The following FANCD2OS variants were observed in gnomAD, a reference collection of about 807,000 sequenced individuals.
FANCD2OS encodes the protein FANCD2 opposite strand protein.
A neutral mutation model predicts 13.2 loss-of-function variants in FANCD2OS; 11 were observed. The ratio of observed to expected loss-of-function variants is 0.83; its 90% CI spans 0.52 to 1.38. The LOEUF is 1.38. Among genes scored for constraint, FANCD2OS ranks in the 40% most tolerant of loss-of-function variants. The probability of loss-of-function intolerance (pLI) is 0.00; values close to 1 mark genes in which losing one functional copy is unlikely to be tolerated. For missense variants in FANCD2OS, 217 were observed against 213.9 expected (o/e 1.01, Z -0.09); for synonymous variants, 69 against 84.5 (o/e 0.82, Z 1.01).
downstream of FANCD2OS, among the ~76,000 whole-genome samples, chr3:10,102,577 C>CA (rs1695346228): frequency 6.6e-6 from 1 of 151,886 alleles, no homozygotes; most frequent in African/African-American, 2.4e-5. Flanking sequence ...GTAATCCCAG[C>CA]ACTTTGGGAG....
chr3:10,103,913 A>G (rs1042105409), downstream of FANCD2OS: 15 of 237,074 alleles, frequency 6.3e-5, no homozygotes, highest in Admixed American at 2.0e-4. Flanking sequence ...TTTCCCCCCA[A>G]TTCATTGTGG....
rs150629522 is a variant in FANCD2OS at position 10,106,677 on chromosome 3, G to A, written c.-9+1338C>T. On this transcript the variant is annotated intron_variant, in intron 1 of 1. Coordinates refer to ENST00000450660, the MANE Select transcript of FANCD2OS (RefSeq NM_001164839.2). ...ACCTGTAATCCCAGCACTTTGGGAG[G>A]CCGAGGTGGGTGGATCACTTGAGGT... Among the ~76,000 whole-genome samples the A allele has an allele frequency of 3.1e-3, 472 of 152,336 alleles. 6 individuals carry two copies. Among genetic ancestry groups the A allele is most frequent in the African/African-American group, 0.011 (453 of 41,576 alleles).
chr3:10,094,965 A>C, intron 2 of FANCD2OS: 1 of 544,680 alleles, frequency 1.8e-6, no homozygotes. Flanking sequence ...AACCTATGTA[A>C]AACTAAAATG....
intron 1 of FANCD2OS, among the ~76,000 whole-genome samples, chr3:10,107,780 A>G (rs1695542915): frequency 6.6e-6 from 1 of 151,930 alleles, no homozygotes; most frequent in African/African-American, 2.4e-5. Context: ...ATGGGACGAG[A>G]GCGCTTCTAA....
chr3:10,101,292 G>A, downstream of FANCD2OS: 7 of 1,479,980 alleles, frequency 4.7e-6, no homozygotes, highest in Non-Finnish European at 6.6e-6. Context: ...CTGCTTCTGT[G>A]TCTCTGCCAG....
chr3:10,094,162 TC>T, intron 2 of FANCD2OS: 1 of 731,512 alleles, frequency 1.4e-6, no homozygotes, highest in South Asian at 1.6e-5. Flanking sequence ...TTTGGACCCT[TC>T]CCAATTTGTT....
downstream of FANCD2OS, among the ~76,000 whole-genome samples, chr3:10,102,504 A>AT (rs1487622154): frequency 2.0e-5 from 3 of 151,888 alleles, no homozygotes; most frequent in African/African-American, 7.3e-5. Context: ...TGCTTTTAAA[A>AT]TTTTTTTGAT....
intron 2 of FANCD2OS, among the ~76,000 whole-genome samples, chr3:10,087,644 C>T (rs926448691): frequency 4.6e-5 from 7 of 151,866 alleles, no homozygotes; most frequent in African/African-American, 1.5e-4. Context: ...TGGCCTCTTC[C>T]CTGGCCTTTT....
In FANCD2OS at chr3:10,085,745, A is replaced by T. The variant is rs1347595357; in HGVS notation, c.*44-4214T>A. 1.3e-5 allele frequency: 13 copies of T among 1,009,976 alleles called. No individual in the cohort carries two copies. In the Admixed American group the frequency reaches 2.2e-4, roughly 17 times the overall value. 62.6% of individuals were successfully genotyped at this position (1,009,976 alleles called of 1,614,324 possible). ...TTGATGGTACAGACTGGAGGCCAGG[A>T]TCCTTAAATACTATCCAAGTAGTTT... On this transcript the variant is annotated intron_variant, in intron 2 of 2. Coordinates refer to the FANCD2OS transcript ENST00000524279.
At chr3:10,101,317 G>A (rs1313033753), downstream of FANCD2OS, 6 of 1,283,538 alleles carry the variant, frequency 4.7e-6, no homozygotes, top group East Asian at 5.0e-5. Flanking sequence ...TGATCATTTT[G>A]TGTTAGAGTT....
Position 10,104,760 on chromosome 3 carries a change from C to T in FANCD2OS, c.15G>A (p.Gln5=), listed in dbSNP as rs368053372. 3 of 1,584,776 alleles carry T rather than the reference C, an allele frequency of 1.9e-6. No homozygotes were observed. The African/African-American group carries it at 4.0e-5, about 21-fold the overall frequency. The change falls in exon 2 of 2, where the codon CAG becomes CAA. Residue 5 remains glutamine, a synonymous_variant. Coordinates refer to ENST00000450660, the MANE Select transcript of FANCD2OS (RefSeq NM_001164839.2). The part of the protein sequence containing the change: MAGY[Q]LWSPWTPLDE... ...CCAGTGGGGTCCATGGTGACCAGAG[C>T]TGGTATCCTGCCATTGACAGTCCTA...
At chr3:10,100,682 A>C (rs1695249015), downstream of FANCD2OS, among the ~76,000 whole-genome samples, 1 of 152,088 alleles carries the variant, frequency 6.6e-6, no homozygotes, top group East Asian at 1.9e-4. Context: ...CCATACCACC[A>C]CTTGTAATAA....
In FANCD2OS at chr3:10,092,268, G is replaced by A. The variant is rs767163581; in HGVS notation, c.*44-10737C>T. ...CTTGATAAAGGTGAGTATGGAGACT[G>A]CTTGACACATCTCACCAAATAACTG... On this transcript the variant is annotated intron_variant, in intron 2 of 2. Coordinates refer to the FANCD2OS transcript ENST00000524279. 2 of 1,581,062 alleles carry A rather than the reference G, an allele frequency of 1.3e-6. No homozygotes were observed. Among genetic ancestry groups the A allele is most frequent in the South Asian group, 1.1e-5 (1 of 90,372 alleles).
downstream of FANCD2OS, chr3:10,098,975 T>G (rs751581738): frequency 6.2e-7 from 1 of 1,614,166 alleles, no homozygotes; most frequent in Non-Finnish European, 8.5e-7. Context: ...ATATAATTTT[T>G]GGGACCCAGA....
chr3:10,102,018 A>G (rs1032839157), downstream of FANCD2OS: 4 of 173,350 alleles, frequency 2.3e-5, no homozygotes, highest in African/African-American at 9.5e-5. Context: ...CAGAGAAATT[A>G]TGGAGACTGG....
At chr3:10,088,406 C>T (rs1320330479) in intron 2 of FANCD2OS, 5 of 1,174,354 alleles carry the variant, frequency 4.3e-6, no homozygotes, top group African/African-American at 1.5e-5. Context: ...AGAATGAGGT[C>T]AAGTTCCCAT....
At chr3:10,083,296 A>G (rs1449703651) in intron 2 of FANCD2OS, among the ~76,000 whole-genome samples, 1 of 152,194 alleles carries the variant, frequency 6.6e-6, no homozygotes, top group East Asian at 1.9e-4. Flanking sequence ...TCTAAAAATT[A>G]TAAAAACAAT....
downstream of FANCD2OS, chr3:10,101,193 T>G (rs1261579357): frequency 8.7e-6 from 14 of 1,612,296 alleles, no homozygotes; most frequent in Non-Finnish European, 1.2e-5. Flanking sequence ...CTTAGGATGG[T>G]GAAGAAGACG....
intron 2 of FANCD2OS, among the ~76,000 whole-genome samples, chr3:10,097,037 G>GCCCC (rs1368154245): frequency 6.6e-6 from 1 of 152,128 alleles, no homozygotes; most frequent in Non-Finnish European, 1.5e-5. Flanking sequence ...GATCCGTGAT[G>GCCCC]CCCCACAAGC....
Sources: gnomAD v4.1 joint callset for allele counts (sites outside exome capture counted in the v4.1 genomes callset) on GRCh38, gnomAD v4.1.1 for gene constraint, MANE v1.5 for transcripts, NCBI Gene and HGNC (gene_info 2026-07-23, HGNC 2026-07-21) for gene names.